ROCK1: variants seen among roughly 807,000 people sequenced by gnomAD.
The protein encoded by ROCK1 is rho-associated protein kinase 1.
A neutral mutation model predicts 196.8 loss-of-function variants in ROCK1; 36 were observed. The ratio of observed to expected loss-of-function variants is 0.18; its 90% CI spans 0.14 to 0.24. The LOEUF is 0.24. ROCK1 is among the 10% of genes least tolerant of loss of function. The pLI, the probability that ROCK1 is intolerant of heterozygous loss-of-function variation, is 1.00. For synonymous variants in ROCK1, 443 were observed against 515.9 expected (o/e 0.86, Z 1.91); for missense variants, 920 against 1,562.0 (o/e 0.59, Z 6.93).
At chr18:21,042,510 G>T in intron 7 of ROCK1, 55 bp downstream of exon 7, 1 of 1,537,398 alleles carries the variant, frequency 6.5e-7, no homozygotes, top group Non-Finnish European at 8.8e-7. Context: ...GAGCCAAGTG[G>T]CAAGTTTTGA....
intron 1 of ROCK1, among the ~76,000 whole-genome samples, chr18:21,085,635 C>T (rs1437915861): frequency 2.0e-5 from 3 of 152,102 alleles, no homozygotes; most frequent in Non-Finnish European, 4.4e-5. Flanking sequence ...TAAGGGAGAA[C>T]AGGCTTAAGA....
chr18:21,099,164 A>G (rs2036636022), intron 1 of ROCK1, among the ~76,000 whole-genome samples: 1 of 152,206 alleles, frequency 6.6e-6, no homozygotes, highest in Non-Finnish European at 1.5e-5. Flanking sequence ...CAATGCTAAC[A>G]CCCACAAAAT....
chr18:21,050,854 C>T (rs1242879202), intron 2 of ROCK1, among the ~76,000 whole-genome samples: 5 of 152,106 alleles, frequency 3.3e-5, no homozygotes, highest in African/African-American at 1.2e-4. Context: ...TCAATTAATT[C>T]GCTGCACAAA....
At chr18:21,023,421 C>A (rs1444733226) in intron 11 of ROCK1, among the ~76,000 whole-genome samples, 199 bp downstream of exon 11, 1 of 152,052 alleles carries the variant, frequency 6.6e-6, no homozygotes, top group African/African-American at 2.4e-5. Flanking sequence ...TACTAACTGC[C>A]TCCAAATATA....
Position 21,023,363 on chromosome 18 carries a change from C to T in ROCK1, c.1272+257G>A, listed in dbSNP as rs542215072. Among the ~76,000 whole-genome samples, 13 of 152,004 alleles carry T rather than the reference C, an allele frequency of 8.6e-5. No individual in the cohort carries two copies. The Middle Eastern group carries it at 0.014, about 159-fold the overall frequency. ...ATTGATATATCATAGTTCCTGATTC[C>T]GAAGATTAAAAAAGATGACCACTGT... is the stretch of plus-strand genomic sequence containing the variant. On this transcript the variant is annotated intron_variant, in intron 11 of 32. Transcript: ENST00000399799.
rs568399571 is a variant in ROCK1, at chr18:21,060,249, AAT to A, written c.175+10281_175+10282del. ...TTAAAAAATCAATCTTGAGTTTGGC[AAT>A]GATTTTTATATGACACAAAAAGCAC... On this transcript the variant is annotated intron_variant, in intron 2 of 32. Transcript: ENST00000399799. Among the ~76,000 whole-genome samples the A allele has an allele frequency of 2.4e-3, 369 of 152,352 alleles. 4 individuals carry two copies. The highest frequency in any genetic ancestry group is 8.3e-3 in the African/African-American group (345 of 41,586).
chr18:20,956,863 C>T (rs1416584717), intron 29 of ROCK1, among the ~76,000 whole-genome samples: 1 of 151,784 alleles, frequency 6.6e-6, no homozygotes, highest in African/African-American at 2.4e-5. Context: ...TAAAAACGGG[C>T]AAAAGACTTG....
intron 4 of ROCK1, 31 bp downstream of exon 4, chr18:21,049,061 C>T: frequency 6.5e-7 from 1 of 1,534,176 alleles, no homozygotes; most frequent in Non-Finnish European, 8.8e-7. Context: ...CAAACTAATG[C>T]AGCAATAATG....
At chr18:21,100,359 C>A (rs1166102023) in intron 1 of ROCK1, among the ~76,000 whole-genome samples, 1 of 145,950 alleles carries the variant, frequency 6.9e-6, no homozygotes, top group Admixed American at 6.9e-5. Flanking sequence ...AAGTCTGAGG[C>A]AAGAAATGTA....
Position 20,958,425 on chromosome 18 carries a change from G to A in ROCK1, c.3512+1415C>T, listed in dbSNP as rs73959755. Among the ~76,000 whole-genome samples the A allele has an allele frequency of 9.9e-3, 1,501 of 151,850 alleles. 16 individuals are homozygous for A. The highest frequency in any genetic ancestry group is 0.034 in the African/African-American group (1,410 of 41,424). ...TGTTTTGCCTTTTCTCCTGCTAGTC[G>A]GTAAGGTCCTTAATGATGGAATTTA... On this transcript the variant is annotated intron_variant, in intron 29 of 32. Coordinates refer to ENST00000399799, the MANE Select transcript of ROCK1 (RefSeq NM_005406.3).
intron 9 of ROCK1, among the ~76,000 whole-genome samples, chr18:21,032,127 A>G (rs2036014084): frequency 6.6e-6 from 1 of 152,232 alleles, no homozygotes; most frequent in Non-Finnish European, 1.5e-5. Flanking sequence ...CTGAATGCCA[A>G]CTATGAAAAA....
intron 9 of ROCK1, among the ~76,000 whole-genome samples, chr18:21,032,313 T>C (rs950046631): frequency 6.6e-6 from 1 of 152,114 alleles, no homozygotes; most frequent in East Asian, 1.9e-4. Flanking sequence ...TCAACCTAGA[T>C]TGTTTTCAAT....
At chr18:21,074,915 G>C (rs1341894582) in intron 1 of ROCK1, among the ~76,000 whole-genome samples, 2 of 152,134 alleles carry the variant, frequency 1.3e-5, no homozygotes, top group East Asian at 3.9e-4. Flanking sequence ...GAAGGAATAA[G>C]ACAGAAGTGG....
chr18:20,966,205 T>G (rs1038062902), intron 27 of ROCK1, among the ~76,000 whole-genome samples: 1 of 152,170 alleles, frequency 6.6e-6, no homozygotes, highest in Non-Finnish European at 1.5e-5. Context: ...ATTTCTAAAT[T>G]GAACTTATAG....
intron 11 of ROCK1, among the ~76,000 whole-genome samples, chr18:21,021,689 C>A (rs894356637): frequency 1.1e-4 from 16 of 152,044 alleles, no homozygotes; most frequent in African/African-American, 3.6e-4. Context: ...TAGTATATCC[C>A]CCCTGATATT....
intron 6 of ROCK1, 40 bp downstream of exon 6, chr18:21,044,062 T>G: frequency 7.7e-7 from 1 of 1,292,410 alleles, no homozygotes; most frequent in Non-Finnish European, 1.1e-6. Context: ...AGCATCTACC[T>G]TGAATTAGCA....
chr18:21,004,401 A>G (rs2143433393), intron 16 of ROCK1, among the ~76,000 whole-genome samples: 1 of 152,298 alleles, frequency 6.6e-6, no homozygotes, highest in African/African-American at 2.4e-5. Flanking sequence ...AAAACCCACA[A>G]TGCACTTTTA....
intron 1 of ROCK1, among the ~76,000 whole-genome samples, chr18:21,110,364 T>C (rs531028305): frequency 8.4e-4 from 128 of 152,308 alleles, no homozygotes; most frequent in Non-Finnish European, 1.6e-3. Context: ...TTCTCCGTTA[T>C]CATTTTCAAG....
Position 20,991,379 on chromosome 18 carries a change from T to A in ROCK1, c.1993-53A>T, listed in dbSNP as rs1598520165. 8 of 1,168,462 alleles carry A rather than the reference T, an allele frequency of 6.8e-6. No individual in the cohort carries two copies. The South Asian group carries it at 1.4e-4, about 20-fold the overall frequency. 72.4% of individuals were successfully genotyped at this position (1,168,462 alleles called of 1,614,324 possible). ...ATAAACTGTGCAGAAGGCATGCATG[T>A]TAGTAAATCTTACATTTAATATTCT... is the stretch of plus-strand genomic sequence containing the variant. On this transcript the variant is annotated intron_variant, in intron 17 of 32. Coordinates refer to ENST00000399799, the MANE Select transcript of ROCK1 (RefSeq NM_005406.3).
Sources: gnomAD v4.1 joint callset for allele counts (sites outside exome capture counted in the v4.1 genomes callset) on GRCh38, gnomAD v4.1.1 for gene constraint, MANE v1.5 for transcripts, NCBI Gene and HGNC (gene_info 2026-07-23, HGNC 2026-07-21) for gene names.